Variants in MDGA2 observed in about 807,000 individuals in gnomAD.
The protein encoded by MDGA2 is MAM domain containing glycosylphosphatidylinositol anchor 2.
Under a neutral mutation model 117.8 loss-of-function variants are expected in MDGA2, and 40 were observed. The ratio of observed to expected loss-of-function variants is 0.34; its 90% CI spans 0.26 to 0.44. The LOEUF is 0.44. MDGA2 is among the 20% of genes least tolerant of loss of function. The pLI is 1.00. For synonymous variants in MDGA2, 452 were observed against 439.0 expected (o/e 1.03, Z -0.37); for missense variants, 1,123 against 1,250.6 (o/e 0.90, Z 1.54).
At chr14:47,206,723 T>C (rs971303692) in intron 3 of MDGA2, among the ~76,000 whole-genome samples, 1 of 151,966 alleles carries the variant, frequency 6.6e-6, no homozygotes, top group Non-Finnish European at 1.5e-5. Context: ...ACTCAGTCTC[T>C]ACAAAAAGCT....
At chr14:47,379,243 G>A (rs1212984118) in intron 1 of MDGA2, among the ~76,000 whole-genome samples, 2 of 152,174 alleles carry the variant, frequency 1.3e-5, no homozygotes. Flanking sequence ...ACAACTGGTA[G>A]CAGCCACTGC....
intron 1 of MDGA2, chr14:47,626,203 GT>G (rs1186812875): frequency 6.6e-6 from 1 of 151,436 alleles, no homozygotes; most frequent in African/African-American, 2.4e-5. Flanking sequence ...ATAGGTTTTT[GT>G]TTTGATTTTT....
chr14:47,354,285 T>C (rs537803223), intron 1 of MDGA2, among the ~76,000 whole-genome samples: 1 of 152,266 alleles, frequency 6.6e-6, no homozygotes, highest in Admixed American at 6.5e-5. Flanking sequence ...ATATAACCCA[T>C]AGTCTGTGGG....
chr14:47,673,382 A>G (rs568160466), intron 1 of MDGA2, among the ~76,000 whole-genome samples: 1 of 152,238 alleles, frequency 6.6e-6, no homozygotes, highest in Non-Finnish European at 1.5e-5. Flanking sequence ...TTAGTCCTGC[A>G]GCACCGGAGT....
chr14:47,612,615 T>C (rs569215585), intron 1 of MDGA2, among the ~76,000 whole-genome samples: 1 of 152,290 alleles, frequency 6.6e-6, no homozygotes, highest in African/African-American at 2.4e-5. Context: ...TTTAAATTAC[T>C]GGCTATGAGA....
At chr14:47,575,658 A>C (rs910926930) in intron 1 of MDGA2, among the ~76,000 whole-genome samples, 2 of 152,190 alleles carry the variant, frequency 1.3e-5, no homozygotes, top group Admixed American at 6.5e-5. Context: ...ACAAGAAGTA[A>C]TGTTTAGGGA....
chr14:47,501,211 T>C (rs1453435528), intron 1 of MDGA2, among the ~76,000 whole-genome samples: 1 of 152,114 alleles, frequency 6.6e-6, no homozygotes, highest in African/African-American at 2.4e-5. Context: ...TCTTAAGAAA[T>C]GATTCAGTCA....
Position 46,855,186 on chromosome 14 carries a change from A to T in MDGA2, c.2753-32T>A. The stretch of plus-strand genomic sequence containing the variant: ...ATGACAATAAAATTTTATTTTGCAT[A>T]TTCATTTTCACCTCAAATTTGTTTT... On this transcript the variant is annotated intron_variant, in intron 14 of 16. Transcript: ENST00000399232. The surrounding 1 kb of genome is among the most constrained non-coding windows in gnomAD (Gnocchi z 4.1). 1 of 1,570,216 alleles carries T rather than the reference A, an allele frequency of 6.4e-7. No individual in the cohort carries two copies.
At chr14:47,028,718 G>A (rs1015931871) in intron 8 of MDGA2, among the ~76,000 whole-genome samples, 2 of 152,070 alleles carry the variant, frequency 1.3e-5, no homozygotes, top group African/African-American at 4.8e-5. Flanking sequence ...TAGCCAGAGA[G>A]GCAACATTGA....
chr14:47,255,609 C>G (rs1299975661), intron 2 of MDGA2, among the ~76,000 whole-genome samples: 1 of 152,112 alleles, frequency 6.6e-6, no homozygotes, highest in Non-Finnish European at 1.5e-5. Context: ...TTCAGCTTCC[C>G]CAATTTCCAT....
chr14:47,278,792 C>A (rs1352282575), intron 2 of MDGA2, among the ~76,000 whole-genome samples: 1 of 152,138 alleles, frequency 6.6e-6, no homozygotes, highest in Non-Finnish European at 1.5e-5. Context: ...CATCCCCTGT[C>A]CCCTACATTA....
At chr14:47,021,005 T>C (rs541834506) in intron 8 of MDGA2, among the ~76,000 whole-genome samples, 62 of 152,304 alleles carry the variant, frequency 4.1e-4, no homozygotes, top group African/African-American at 1.4e-3. Context: ...CAGGCTACTA[T>C]ATTTTTCCAT....
At chr14:47,650,331 C>T (rs1197273301) in intron 1 of MDGA2, among the ~76,000 whole-genome samples, 1 of 152,192 alleles carries the variant, frequency 6.6e-6, no homozygotes, top group African/African-American at 2.4e-5. Flanking sequence ...GAGCCAATTC[C>T]TTATTTTACA....
intron 8 of MDGA2, among the ~76,000 whole-genome samples, chr14:46,974,348 A>AT (rs896259685): frequency 4.9e-4 from 75 of 151,882 alleles, no homozygotes; most frequent in African/African-American, 1.6e-3. Flanking sequence ...TCCCAATGGC[A>AT]TTTTTTTTGG....
chr14:47,058,581 T>C, intron 7 of MDGA2: 1 of 985,010 alleles, frequency 1.0e-6, no homozygotes, highest in Non-Finnish European at 1.2e-6. Flanking sequence ...AGAATACACC[T>C]ATTTTCATAT....
At chr14:47,367,459 G>T (rs1891255283) in intron 1 of MDGA2, among the ~76,000 whole-genome samples, 1 of 152,110 alleles carries the variant, frequency 6.6e-6, no homozygotes, top group African/African-American at 2.4e-5. Context: ...GTCATAATTT[G>T]TTTCTATTTT....
chr14:46,844,601 A>C (rs1318588378), intron 16 of MDGA2, among the ~76,000 whole-genome samples: 4 of 152,220 alleles, frequency 2.6e-5, no homozygotes, highest in African/African-American at 9.6e-5. Flanking sequence ...AATTGGCTAA[A>C]TCAGGAAATA....
At chr14:46,962,194 TTTGAA>T (rs1483087289) in intron 8 of MDGA2, among the ~76,000 whole-genome samples, 2 of 152,086 alleles carry the variant, frequency 1.3e-5, no homozygotes, top group Non-Finnish European at 2.9e-5. Flanking sequence ...TTGAGGCTGA[TTTGAA>T]TTATCAAGTG....
chr14:47,642,720 T>G (rs1004707606), intron 1 of MDGA2, among the ~76,000 whole-genome samples: 9 of 152,052 alleles, frequency 5.9e-5, no homozygotes, highest in African/African-American at 2.2e-4. Flanking sequence ...GCATAAACAT[T>G]GTAAATTCCA....
Sources: gnomAD v4.1 joint callset for allele counts (sites outside exome capture counted in the v4.1 genomes callset) on GRCh38, gnomAD v4.1.1 for gene constraint, Gnocchi (gnomAD v3.1) non-coding constraint, MANE v1.5 for transcripts, NCBI Gene and HGNC (gene_info 2026-07-23, HGNC 2026-07-21) for gene names.